PCDHA4: variants seen among roughly 807,000 people sequenced by gnomAD.
PCDHA4 encodes protocadherin alpha-4.
In PCDHA4, 49 loss-of-function variants were observed where a neutral mutation model predicts 61.4. That is an observed-to-expected ratio of 0.80 (90% CI 0.63 to 1.01). The LOEUF (loss-of-function observed/expected upper bound fraction) is 1.01, where lower values mean the gene tolerates loss of function less well. Among genes scored for constraint, PCDHA4 ranks in the 50% least tolerant of loss-of-function variants. The probability of loss-of-function intolerance (pLI) is 0.00; values close to 1 mark genes in which losing one functional copy is unlikely to be tolerated. For missense variants in PCDHA4, 1,254 were observed against 1,235.8 expected, an observed-to-expected ratio of 1.01 and a Z score of -0.22; for synonymous variants, 590 against 550.3, an observed-to-expected ratio of 1.07 and a Z score of -1.01.
At chr5:140,882,855 T>C in intron 1 of PCDHA4, 1 of 1,614,230 alleles carries the variant, frequency 6.2e-7, no homozygotes, top group Non-Finnish European at 8.5e-7. Context: ...TCACTTGTAC[T>C]GAGGAAAACA....
At chr5:140,878,693 C>A (rs932928385) in intron 1 of PCDHA4, among the ~76,000 whole-genome samples, 6 of 152,254 alleles carry the variant, frequency 3.9e-5, no homozygotes, top group South Asian at 2.1e-4. Flanking sequence ...TCTTACATAC[C>A]CCAGCCTGGT....
intron 1 of PCDHA4, chr5:140,877,501 A>T: frequency 6.2e-7 from 1 of 1,613,804 alleles, no homozygotes; most frequent in Non-Finnish European, 8.5e-7. Flanking sequence ...CCAGGCCCCA[A>T]AGACGTCGTC....
chr5:140,850,664 C>T, intron 1 of PCDHA4: 1 of 1,598,396 alleles, frequency 6.3e-7, no homozygotes, highest in Non-Finnish European at 8.6e-7. Context: ...TGCTGCGGTG[C>T]TCGGCGATGC....
chr5:140,823,715 TG>T, intron 1 of PCDHA4: 2 of 1,613,918 alleles, frequency 1.2e-6, no homozygotes, highest in Non-Finnish European at 1.7e-6. Flanking sequence ...CACCGCCTTC[TG>T]GTGCTGGTGA....
intron 1 of PCDHA4, chr5:140,854,477 T>C (rs1479298342): frequency 1.3e-5 from 2 of 149,980 alleles, no homozygotes; most frequent in African/African-American, 2.4e-5. Flanking sequence ...TAGAGAAGTA[T>C]AGAAACAGAA....
At chr5:140,907,840 A>C (rs2073633940) in intron 1 of PCDHA4, among the ~76,000 whole-genome samples, 1 of 152,160 alleles carries the variant, frequency 6.6e-6, no homozygotes, top group South Asian at 2.1e-4. Context: ...TGTTTATTAA[A>C]ATCCTCCTCT....
chr5:140,870,308 A>G, intron 1 of PCDHA4: 1 of 1,614,140 alleles, frequency 6.2e-7, no homozygotes, highest in Non-Finnish European at 8.5e-7. Context: ...ACCTTCAAGA[A>G]TTACTACTCG....
chr5:140,897,701 C>T (rs1161358145), intron 1 of PCDHA4, among the ~76,000 whole-genome samples: 58 of 152,238 alleles, frequency 3.8e-4, no homozygotes, highest in Non-Finnish European at 7.4e-4. Flanking sequence ...TGGGCATATA[C>T]CCAGTAATGG....
At chr5:140,931,008 A>G (rs1554208204) in intron 1 of PCDHA4, among the ~76,000 whole-genome samples, 2 of 152,224 alleles carry the variant, frequency 1.3e-5, no homozygotes, top group African/African-American at 2.4e-5. Flanking sequence ...ATAACATAAC[A>G]GAGGAATTTT....
chr5:141,000,421 ATTTTTT>A (rs34755515), intron 3 of PCDHA4, among the ~76,000 whole-genome samples: 34 of 27,962 alleles, frequency 1.2e-3, no homozygotes, highest in East Asian at 9.9e-3. Context: ...ATATATATAT[ATTTTTT>A]TTTTTTTTTT....
At position 140,856,841 on chromosome 5, in the gene PCDHA4, G is replaced by A. The variant is rs781868199; in HGVS notation, c.2385+47269G>A. On this transcript the variant is annotated intron_variant, in intron 1 of 3. Transcript: ENST00000530339. Reference sequence around the variant, plus strand: ...CCAAACATTAGTAATACGGCTCAACGCTTCTGATTCGGATGAAGGAATAAA... The same window carrying A: ...CCAAACATTAGTAATACGGCTCAACACTTCTGATTCGGATGAAGGAATAAA... 1.3e-5 allele frequency: 20 copies of A among 1,592,418 alleles called. 3 individuals are homozygous for A. The highest frequency in any genetic ancestry group is 3.4e-5 in the Admixed American group (2 of 59,178).
intron 1 of PCDHA4, chr5:140,876,557 A>C: frequency 6.2e-7 from 1 of 1,614,156 alleles, no homozygotes; most frequent in Admixed American, 1.7e-5. Context: ...GTGCAAGAGG[A>C]TGCTCAGGTG....
chr5:140,872,902 C>G lies in PCDHA4; in HGVS notation c.2385+63330C>G, dbSNP rs78252676. ...TCATTCATCTCACTTTGTAACTGCT[C>G]TATCTTGTAATGCCTTATCTCTAAT... On this transcript the variant is annotated intron_variant, in intron 1 of 3. Coordinates refer to ENST00000530339, the MANE Select transcript of PCDHA4 (RefSeq NM_018907.4). Among the ~76,000 whole-genome samples, 460 of 152,278 alleles carry G rather than the reference C, an allele frequency of 3.0e-3. 1 individual carries two copies. The highest frequency in any genetic ancestry group is 9.4e-3 in the Admixed American group (143 of 15,288).
chr5:140,958,020 A>G (rs536128192), intron 1 of PCDHA4, among the ~76,000 whole-genome samples: 90 of 152,262 alleles, frequency 5.9e-4, no homozygotes, highest in African/African-American at 2.1e-3. Context: ...TCAGCCAAGT[A>G]TACTATGCTT....
At chr5:140,959,230 A>C (rs776449475) in intron 1 of PCDHA4, among the ~76,000 whole-genome samples, 13 of 152,092 alleles carry the variant, frequency 8.5e-5, no homozygotes, top group Non-Finnish European at 1.0e-4. Context: ...TACAAAAATT[A>C]TCTGGGCATG....
chr5:140,928,672 GC>G (rs1466783332), intron 1 of PCDHA4: 1 of 1,614,058 alleles, frequency 6.2e-7, no homozygotes, highest in East Asian at 2.2e-5. Flanking sequence ...TGGTTCTAAT[GC>G]CTGGCTTTCC....
intron 1 of PCDHA4, chr5:140,842,219 G>C: frequency 1.9e-6 from 3 of 1,613,252 alleles, no homozygotes; most frequent in Non-Finnish European, 2.5e-6. Context: ...TCGAAATACG[G>C]GAGAAATAGT....
intron 1 of PCDHA4, chr5:140,968,895 T>G: frequency 6.2e-7 from 1 of 1,614,218 alleles, no homozygotes; most frequent in Non-Finnish European, 8.5e-7. Context: ...TATCTAATAA[T>G]AGCATTAAGC....
chr5:140,833,453 A>T (rs1238975338), intron 1 of PCDHA4, among the ~76,000 whole-genome samples: 3 of 152,230 alleles, frequency 2.0e-5, no homozygotes, highest in Non-Finnish European at 4.4e-5. Context: ...ATCTAATAAA[A>T]TAAACTTACA....
Sources: allele counts gnomAD v4.1 joint callset (sites outside exome capture counted in the v4.1 genomes callset), GRCh38; gene constraint gnomAD v4.1.1; transcripts MANE v1.5; gene names NCBI Gene and HGNC (gene_info 2026-07-23, HGNC 2026-07-21).